Variants in BRMS1 observed in about 807,000 individuals in gnomAD.
BRMS1 encodes BRMS1 transcriptional repressor and anoikis regulator.
A neutral mutation model predicts 40.4 loss-of-function variants in BRMS1; 26 were observed. That is an observed-to-expected ratio of 0.64 (90% CI 0.47 to 0.89). BRMS1 has a LOEUF of 0.89. Ranked by LOEUF, BRMS1 falls within the 40% of genes least tolerant of loss-of-function variation. The pLI is 0.00. For missense variants in BRMS1, 289 were observed against 309.4 expected (o/e 0.93, Z 0.49); for synonymous variants, 103 against 116.0 (o/e 0.89, Z 0.72).
intron 1 of BRMS1, among the ~76,000 whole-genome samples, chr11:66,344,357 C>T (rs770946329): frequency 6.6e-5 from 10 of 152,176 alleles, no homozygotes; most frequent in Non-Finnish European, 1.2e-4. Context: ...AGTGTTTAGT[C>T]ATATTCCTCA....
Position 66,340,024 on chromosome 11 carries a change from G to T in BRMS1, c.628+97C>A, listed in dbSNP as rs1275523464. On this transcript the variant is annotated intron_variant, in intron 7 of 9. Coordinates refer to ENST00000359957, the MANE Select transcript of BRMS1 (RefSeq NM_015399.4). ...CCAAGCAACCACGAGTGCATCTAGT[G>T]TGACTGTCCTCCATGTCCCCTCCAA... The T allele has an allele frequency of 3.2e-6, 3 of 949,574 alleles. No homozygotes were observed. In the African/African-American group the frequency reaches 4.9e-5, roughly 15 times the overall value. 58.8% of individuals were successfully genotyped at this position (949,574 alleles called of 1,614,324 possible).
At chr11:66,343,387 C>T (rs181277867) in intron 1 of BRMS1, among the ~76,000 whole-genome samples, 1 of 152,200 alleles carries the variant, frequency 6.6e-6, no homozygotes, top group Non-Finnish European at 1.5e-5. Flanking sequence ...TACCGTCAGA[C>T]GCTATGGTAT....
chr11:66,337,369 G>A lies in BRMS1; in HGVS notation c.*513C>T, dbSNP rs1256577862. Reference sequence around the variant, plus strand: ...GGAAAGGTTTTAATTCCAGTCCTTGGAATCTGAGAAGCAGACACCAAGAAC... The same window carrying A: ...GGAAAGGTTTTAATTCCAGTCCTTGAAATCTGAGAAGCAGACACCAAGAAC... On this transcript the variant is annotated 3_prime_UTR_variant, in exon 10 of 10. Transcript: ENST00000359957. 5.3e-6 allele frequency: 2 copies of A among 377,858 alleles called. No homozygotes were observed. The highest frequency in any genetic ancestry group is 4.0e-5 in the African/African-American group (2 of 50,234). 23.4% of individuals were successfully genotyped at this position (377,858 alleles called of 1,614,324 possible). A position where few individuals can be genotyped will look rare whatever the true frequency, so the allele number is the denominator to read the frequency against.
chr11:66,345,089 G>C lies in BRMS1; in HGVS notation c.-125C>G, dbSNP rs1855178047. On this transcript the variant is annotated 5_prime_UTR_variant, in exon 1 of 10. Transcript: ENST00000359957. ...GCGCTGCGCGGCTCCCTTTTCTTCG[G>C]GAGGCAGAGCCTATCGGTGCTTCCG... 1 of 152,260 alleles carries C rather than the reference G, an allele frequency of 6.6e-6. No individual in the cohort carries two copies. Among genetic ancestry groups the C allele is most frequent in the African/African-American group, 2.4e-5 (1 of 41,470 alleles). 9.4% of individuals were successfully genotyped at this position (152,260 alleles called of 1,614,324 possible).
intron 1 of BRMS1, among the ~76,000 whole-genome samples, chr11:66,344,163 TTATTTACC>T (rs1449245184): frequency 2.0e-5 from 3 of 152,248 alleles, no homozygotes; most frequent in African/African-American, 7.2e-5. Flanking sequence ...CACATGTAAC[TTATTTACC>T]TAGCACAGTG....
chr11:66,343,624 C>G (rs1210501684), intron 1 of BRMS1, among the ~76,000 whole-genome samples: 1 of 152,136 alleles, frequency 6.6e-6, no homozygotes, highest in African/African-American at 2.4e-5. Flanking sequence ...CAGGTAGAGT[C>G]AGTAGCAAAG....
At chr11:66,343,732 GTTC>G (rs1855138316) in intron 1 of BRMS1, among the ~76,000 whole-genome samples, 1 of 152,214 alleles carries the variant, frequency 6.6e-6, no homozygotes, top group African/African-American at 2.4e-5. Context: ...CATACAGCAA[GTTC>G]TTCATGCCAC....
At position 66,337,919 on chromosome 11, in the gene BRMS1, C is replaced by T. The variant is rs372836080; in HGVS notation, c.734-30G>A. On this transcript the variant is annotated intron_variant, in intron 9 of 9. Transcript: ENST00000359957. Reference sequence around the variant, plus strand: ...GCATATGTGGGAAGAAGAAAACTGTCACCAGTTAGGAAGCTGAAAGGAAGG... The same window carrying T: ...GCATATGTGGGAAGAAGAAAACTGTTACCAGTTAGGAAGCTGAAAGGAAGG... The T allele has an allele frequency of 9.9e-5, 158 of 1,595,542 alleles. 3 individuals are homozygous for T. In the South Asian group the frequency reaches 1.4e-3, roughly 14 times the overall value.
rs745641503 is a variant in BRMS1, at chr11:66,338,297, AG to A, written c.694-16del. ...GCTGCCCTAGCCTGGGTGGGTGAGAAGAAAAGCTCCCCTGAGAGCCCACCTC... is the reference window on the plus strand; with the variant it reads ...GCTGCCCTAGCCTGGGTGGGTGAGAAAAAAGCTCCCCTGAGAGCCCACCTC... On this transcript the variant is annotated splice_polypyrimidine_tract_variant and intron_variant, in intron 8 of 9. Transcript: ENST00000359957. 6.1e-5 allele frequency: 98 copies of A among 1,605,494 alleles called. No individual in the cohort carries two copies. The highest frequency in any genetic ancestry group is 8.3e-5 in the Non-Finnish European group (98 of 1,175,712).
At position 66,338,774 on chromosome 11, in the gene BRMS1, C is replaced by T. The variant is rs199579517; in HGVS notation, c.640G>A (p.Val214Met). Reference sequence around the variant, plus strand: ...ATGTCGATCTCTTGAAGCATGTACACGATGTATGGGCCTGTGGTGGGGGTC... The same window carrying T: ...ATGTCGATCTCTTGAAGCATGTACATGATGTATGGGCCTGTGGTGGGGGTC... ...KAPLVSGPYI[V>M]YMLQEIDILE... is the part of the protein sequence containing the mutation. Residue 214 changes from valine to methionine, a missense_variant, in exon 8 of 10, where the codon GTG (valine) becomes ATG (methionine). Physicochemically the swap from Val to Met is conservative, Grantham distance 21. Transcript: ENST00000359957. The T allele has an allele frequency of 5.7e-6, 9 of 1,566,644 alleles. No individual in the cohort carries two copies. Among genetic ancestry groups the T allele is most frequent in the African/African-American group, 2.7e-5 (2 of 73,526 alleles).
In BRMS1 at chr11:66,341,698, C is replaced by T. The variant is rs115520409; in HGVS notation, c.140-75G>A. The T allele has an allele frequency of 1.6e-6, 2 of 1,254,438 alleles. No individual in the cohort carries two copies. Among genetic ancestry groups the T allele is most frequent in the African/African-American group, 1.5e-5 (1 of 68,180 alleles). The allele number at this position is 1,254,438 out of a possible 1,614,324, so 77.7% of individuals were successfully genotyped here. A position where few individuals can be genotyped will look rare whatever the true frequency, so the allele number is the denominator to read the frequency against. On this transcript the variant is annotated intron_variant, in intron 2 of 9. Coordinates refer to ENST00000359957, the MANE Select transcript of BRMS1 (RefSeq NM_015399.4). This position sits in a 1 kb window ranked among gnomAD's most constrained non-coding sequence, Gnocchi z 4.9. ...CCCGCATGTGTGCATGTGCGTCCTG[C>T]ATGTGTGTGTGTGCATGCATGCCTG...
At position 66,341,424 on chromosome 11, in the gene BRMS1, G is replaced by A. The variant is rs1855071427; in HGVS notation, c.231-91C>T. The A allele has an allele frequency of 5.0e-6, 8 of 1,602,106 alleles. No individual in the cohort carries two copies. Among genetic ancestry groups the A allele is most frequent in the Admixed American group, 1.7e-5 (1 of 59,866 alleles). ...CAGCACCCATTCCACAGCAAGCCCG[G>A]TGTTAGGCGCGCACTTCCTGGGCAC... On this transcript the variant is annotated intron_variant, in intron 3 of 9. Coordinates refer to ENST00000359957, the MANE Select transcript of BRMS1 (RefSeq NM_015399.4). The surrounding 1 kb of genome is among the most constrained non-coding windows in gnomAD (Gnocchi z 4.9).
At chr11:66,338,115 C>T in intron 9 of BRMS1, 128 bp downstream of exon 9, 1 of 1,364,676 alleles carries the variant, frequency 7.3e-7, no homozygotes, top group Admixed American at 2.1e-5. Flanking sequence ...TCTAGACCAT[C>T]CTAACTTTCT....
Position 66,340,137 on chromosome 11 carries a change from C to T in BRMS1, c.612G>A (p.Lys204=). The stretch of plus-strand genomic sequence containing the variant: ...AAAGGATACCAGAAACCAGAGGTGC[C>T]TTCTTCCTCTTGCTGGGCGGCAGGG... The part of the protein sequence containing the change: ...WDSLPPSKRK[K]APLVSGPYIV... The change falls in exon 7 of 10, where the codon AAG becomes AAA. Residue 204 remains lysine (K), a synonymous_variant. Transcript: ENST00000359957. 11 of 1,613,710 alleles carry T rather than the reference C, an allele frequency of 6.8e-6. No homozygotes were observed. Among genetic ancestry groups the T allele is most frequent in the Non-Finnish European group, 9.3e-6 (11 of 1,179,930 alleles).
rs1201967842 is a variant in BRMS1, at chr11:66,341,886, G to A, written c.139+210C>T. 33 of 660,980 alleles carry A rather than the reference G, an allele frequency of 5.0e-5. No homozygotes were observed. The Admixed American group carries it at 5.1e-4, about 10-fold the overall frequency. 40.9% of individuals were successfully genotyped at this position (660,980 alleles called of 1,614,324 possible). On this transcript the variant is annotated intron_variant, in intron 2 of 9. Transcript: ENST00000359957. This position sits in a 1 kb window ranked among gnomAD's most constrained non-coding sequence, Gnocchi z 4.9. ...GTGAAGGGGCTGTGTGTGTGCATACGTGCTTGTGTGTAGGGGCTGTGTGTG... is the reference window on the plus strand; with the variant it reads ...GTGAAGGGGCTGTGTGTGTGCATACATGCTTGTGTGTAGGGGCTGTGTGTG...
chr11:66,342,190 T>C lies in BRMS1; in HGVS notation c.45A>G (p.Ala15=). The C allele has an allele frequency of 6.2e-7, 1 of 1,613,918 alleles. No individual in the cohort carries two copies. The highest frequency in any genetic ancestry group is 1.7e-5 in the Admixed American group (1 of 60,008). Residue 15 remains alanine (A), a synonymous_variant, in exon 2 of 10, where the codon GCA becomes GCG. Coordinates refer to ENST00000359957, the MANE Select transcript of BRMS1 (RefSeq NM_015399.4). ...PPSKDTEEME[A]EGDSAAEMNG... is the part of the protein sequence containing the mutation. The stretch of plus-strand genomic sequence containing the variant: ...TCATCTCAGCAGCAGAATCACCCTC[T>C]GCTTCCATCTCTTCTGTGTCTTTGC...
At chr11:66,339,816 C>T (rs767403642) in intron 7 of BRMS1, 2 of 287,438 alleles carry the variant, frequency 7.0e-6, no homozygotes, top group Admixed American at 4.3e-5. Context: ...AAGCTGGTCT[C>T]GAAAAGAACT....
In BRMS1 at chr11:66,342,219, G is replaced by C; in HGVS notation, c.16C>G (p.Pro6Ala). MPVQP[P>A]SKDTEEMEAE... The stretch of plus-strand genomic sequence containing the variant: ...TCCATCTCTTCTGTGTCTTTGCTTG[G>C]AGGCTGGACAGGCATCTGGACTCTG... Residue 6 changes from proline (P) to alanine (A), a missense_variant, in exon 2 of 10, where the codon CCA becomes GCA. By Grantham distance (27) the Pro-to-Ala change is conservative (BLOSUM62 -1). Transcript: ENST00000359957. 2 of 1,613,362 alleles carry C rather than the reference G, an allele frequency of 1.2e-6. No individual in the cohort carries two copies. Among genetic ancestry groups the C allele is most frequent in the Non-Finnish European group, 1.7e-6 (2 of 1,180,006 alleles).
In BRMS1 at chr11:66,337,645, GACA is replaced by G. The variant is rs1193771326; in HGVS notation, c.*234_*236del. On this transcript the variant is annotated 3_prime_UTR_variant, in exon 10 of 10. Coordinates refer to ENST00000359957, the MANE Select transcript of BRMS1 (RefSeq NM_015399.4). ...AGGTGGCAGGCGGCTCAGGGATGGA[GACA>G]GCAGCCTTGCCTGGTCAGGTCAGCT... 1 of 1,519,518 alleles carries G rather than the reference GACA, an allele frequency of 6.6e-7. No individual in the cohort carries two copies. Among genetic ancestry groups the G allele is most frequent in the Non-Finnish European group, 8.9e-7 (1 of 1,127,070 alleles). 94.1% of individuals were successfully genotyped at this position (1,519,518 alleles called of 1,614,324 possible). A position where few individuals can be genotyped will look rare whatever the true frequency, so the allele number is the denominator to read the frequency against.
Sources: allele counts gnomAD v4.1 joint callset (sites outside exome capture counted in the v4.1 genomes callset), GRCh38; gene constraint gnomAD v4.1.1; non-coding constraint Gnocchi (gnomAD v3.1); transcripts MANE v1.5; gene names NCBI Gene and HGNC (gene_info 2026-07-23, HGNC 2026-07-21).